Variants in GBE1 observed in about 807,000 individuals in gnomAD.
GBE1 encodes 1,4-alpha-glucan-branching enzyme.
GBE1 carries 70 observed loss-of-function variants against 88.8 expected under a neutral mutation model. That is an observed-to-expected ratio of 0.79 (90% confidence interval 0.65 to 0.96). GBE1 has a LOEUF of 0.96. GBE1 is among the 40% of genes least tolerant of loss of function. The probability of loss-of-function intolerance (pLI) is 0.00; values close to 1 mark genes in which losing one functional copy is unlikely to be tolerated. For synonymous variants in GBE1, 284 were observed against 300.1 expected, an observed-to-expected ratio of 0.95 and a Z score of 0.56; for missense variants, 872 against 871.0, an observed-to-expected ratio of 1.00 and a Z score of -0.01.
chr3:81,573,864 A>G (rs1174634347), intron 12 of GBE1, among the ~76,000 whole-genome samples: 1 of 152,106 alleles, frequency 6.6e-6, no homozygotes. Context: ...TGATGCATAT[A>G]TACACACATA....
intron 1 of GBE1, among the ~76,000 whole-genome samples, chr3:81,731,155 A>C (rs1474316127): frequency 6.6e-6 from 1 of 152,058 alleles, no homozygotes; most frequent in Non-Finnish European, 1.5e-5. Context: ...CCCAACCTCT[A>C]TGGACTGTAT....
chr3:81,753,250 G>C (rs1706556823), intron 1 of GBE1, among the ~76,000 whole-genome samples: 1 of 152,112 alleles, frequency 6.6e-6, no homozygotes, highest in Admixed American at 6.6e-5. Flanking sequence ...ACACAATGGG[G>C]ATTCTTCTGG....
intron 15 of GBE1, 99 bp downstream of exon 15, chr3:81,499,011 C>T (rs986980971): frequency 2.1e-5 from 15 of 708,384 alleles, no homozygotes; most frequent in Non-Finnish European, 3.4e-5. Flanking sequence ...GCTTTTTTTC[C>T]ATGTTGCTTA....
intron 7 of GBE1, among the ~76,000 whole-genome samples, chr3:81,613,637 T>C (rs1201737865): frequency 6.6e-6 from 1 of 152,146 alleles, no homozygotes; most frequent in Non-Finnish European, 1.5e-5. Context: ...ATTTTGACAA[T>C]ATGATTTCTC....
chr3:81,565,416 G>T (rs1703478358), intron 12 of GBE1, among the ~76,000 whole-genome samples: 1 of 152,106 alleles, frequency 6.6e-6, no homozygotes, highest in African/African-American at 2.4e-5. Context: ...AAAAATAGAA[G>T]AATTTACAAG....
Position 81,546,991 on chromosome 3 carries a change from C to T in GBE1, c.1619-9896G>A, listed in dbSNP as rs1703213163. Among the ~76,000 whole-genome samples, 6 of 151,314 alleles carry T rather than the reference C, an allele frequency of 4.0e-5. No individual in the cohort carries two copies. In the South Asian group the frequency reaches 8.3e-4, roughly 21 times the overall value. On this transcript the variant is annotated intron_variant, in intron 12 of 15. Transcript: ENST00000429644. The stretch of plus-strand genomic sequence containing the variant: ...AGGAAACTCCTGACCCAAAGACTAA[C>T]TTTGGGTAAGTGCTGGGGTCCAGTA...
At chr3:81,709,539 G>A (rs1404631993) in intron 1 of GBE1, among the ~76,000 whole-genome samples, 1 of 152,042 alleles carries the variant, frequency 6.6e-6, no homozygotes, top group Non-Finnish European at 1.5e-5. Flanking sequence ...AACGTTGGGA[G>A]GATAAACAAA....
chr3:81,554,594 A>G (rs1276667008), intron 12 of GBE1, among the ~76,000 whole-genome samples: 3 of 152,220 alleles, frequency 2.0e-5, no homozygotes, highest in Non-Finnish European at 4.4e-5. Context: ...AAACTTCCCT[A>G]GTCAATTACT....
intron 1 of GBE1, among the ~76,000 whole-genome samples, chr3:81,730,544 C>T (rs1706171836): frequency 6.6e-6 from 1 of 152,182 alleles, no homozygotes. Flanking sequence ...TGAAAGCTAA[C>T]ACTACTGTGT....
chr3:81,743,455 A>C, intron 1 of GBE1: 1 of 761,286 alleles, frequency 1.3e-6, no homozygotes, highest in Non-Finnish European at 2.2e-6. Flanking sequence ...CCCCCACAAT[A>C]TTATCACTAG....
chr3:81,750,113 T>C (rs1706475899), intron 1 of GBE1, among the ~76,000 whole-genome samples: 1 of 136,176 alleles, frequency 7.3e-6, no homozygotes, highest in Admixed American at 7.2e-5. Context: ...CCAATCAAAA[T>C]GGTCAAGAGG....
intron 1 of GBE1, among the ~76,000 whole-genome samples, chr3:81,749,794 A>G (rs1189161080): frequency 1.3e-5 from 2 of 152,002 alleles, no homozygotes; most frequent in Non-Finnish European, 2.9e-5. Flanking sequence ...TTTCAGAATG[A>G]TTTTTTTTAA....
chr3:81,756,908 A>G (rs1221956357), intron 1 of GBE1, among the ~76,000 whole-genome samples: 2 of 152,194 alleles, frequency 1.3e-5, no homozygotes, highest in Admixed American at 1.3e-4. Context: ...GGGTAGAGAA[A>G]TTGTTTTATA....
chr3:81,738,615 T>C (rs1009590939), intron 1 of GBE1, among the ~76,000 whole-genome samples: 9 of 152,066 alleles, frequency 5.9e-5, no homozygotes, highest in Non-Finnish European at 1.0e-4. Flanking sequence ...CAGAAATAAA[T>C]CTAAAGAAAA....
At chr3:81,521,459 T>A (rs1312727238) in intron 14 of GBE1, among the ~76,000 whole-genome samples, 1 of 151,556 alleles carries the variant, frequency 6.6e-6, no homozygotes, top group Admixed American at 6.6e-5. Context: ...AATATACCAT[T>A]GAAATCCTAA....
chr3:81,757,656 G>C (rs1018821918), intron 1 of GBE1, among the ~76,000 whole-genome samples: 3 of 152,196 alleles, frequency 2.0e-5, no homozygotes, highest in Non-Finnish European at 4.4e-5. Context: ...GGTTTGAGCA[G>C]CTGGTAGAGG....
intron 12 of GBE1, among the ~76,000 whole-genome samples, chr3:81,560,459 A>C (rs1245005154): frequency 6.6e-6 from 1 of 152,026 alleles, no homozygotes; most frequent in Non-Finnish European, 1.5e-5. Context: ...CAATTTCAAA[A>C]TAAATTTATC....
At position 81,561,092 on chromosome 3, in the gene GBE1, A is replaced by T. The variant is rs544850576; in HGVS notation, c.1618+16833T>A. Among the ~76,000 whole-genome samples the T allele has an allele frequency of 2.6e-5, 4 of 152,148 alleles. No individual in the cohort carries two copies. In the East Asian group the frequency reaches 7.7e-4, roughly 29 times the overall value. The stretch of plus-strand genomic sequence containing the variant: ...ACAAAATTCCTTAAAAAATAAACAC[A>T]TTTTTCAACTGCACCTATCATTACT... On this transcript the variant is annotated intron_variant, in intron 12 of 15. Coordinates refer to ENST00000429644, the MANE Select transcript of GBE1 (RefSeq NM_000158.4).
At chr3:81,674,943 C>A (rs765429331) in intron 2 of GBE1, among the ~76,000 whole-genome samples, 3 of 151,980 alleles carry the variant, frequency 2.0e-5, no homozygotes, top group Admixed American at 6.6e-5. Context: ...CTAGAAAGGT[C>A]TCTATCTAGG....
Sources: allele counts gnomAD v4.1 joint callset (sites outside exome capture counted in the v4.1 genomes callset), GRCh38; gene constraint gnomAD v4.1.1; transcripts MANE v1.5; gene names NCBI Gene and HGNC (gene_info 2026-07-23, HGNC 2026-07-21).